The following POT1 variants were observed in gnomAD, a reference collection of about 807,000 sequenced individuals.
The protein encoded by POT1 is protection of telomeres protein 1.
Under a neutral mutation model 78.5 loss-of-function variants are expected in POT1, and 47 were observed. That is an observed-to-expected ratio of 0.60 (90% CI 0.47 to 0.76). The LOEUF (loss-of-function observed/expected upper bound fraction) is 0.76. Ranked by LOEUF, POT1 falls within the 30% of genes least tolerant of loss-of-function variation. The pLI, the probability that POT1 is intolerant of heterozygous loss-of-function variation, is 0.00. For missense variants in POT1, 646 were observed against 749.9 expected, an observed-to-expected ratio of 0.86 and a Z score of 1.62; for synonymous variants, 259 against 260.7, an observed-to-expected ratio of 0.99 and a Z score of 0.06.
At chr7:124,848,667 G>GAA (rs11322299) in intron 11 of POT1, 5,604 of 109,920 alleles carry the variant, frequency 0.051, 323 homozygotes, top group African/African-American at 0.14. Context: ...CATCTCAAAA[G>GAA]AAAAAAAAAA....
intron 16 of POT1, 154 bp downstream of exon 16, chr7:124,829,100 A>G: frequency 1.3e-6 from 1 of 763,814 alleles, no homozygotes; most frequent in Non-Finnish European, 2.4e-6. Context: ...CTTGGCAGAT[A>G]TCTTTAAATT....
chr7:124,872,996 A>G (rs10240673), intron 6 of POT1, among the ~76,000 whole-genome samples: 32,937 of 152,118 alleles, frequency 0.22, 3,991 homozygotes, highest in East Asian at 0.3. Flanking sequence ...AGAAATGTCT[A>G]TTCAGGTCCT....
At chr7:124,848,178 G>A (rs1302167041) in intron 11 of POT1, among the ~76,000 whole-genome samples, 5 of 152,070 alleles carry the variant, frequency 3.3e-5, no homozygotes, top group Non-Finnish European at 7.4e-5. Context: ...ACACGTTTAT[G>A]TATTAGTCAA....
intron 3 of POT1, among the ~76,000 whole-genome samples, chr7:124,898,933 T>G (rs929826782): frequency 6.6e-6 from 1 of 152,212 alleles, no homozygotes; most frequent in Admixed American, 6.5e-5. Context: ...TTAAATTTCC[T>G]TTTCTTATTT....
At chr7:124,856,845 A>G (rs1384950079) in intron 9 of POT1, among the ~76,000 whole-genome samples, 1 of 152,226 alleles carries the variant, frequency 6.6e-6, no homozygotes, top group Non-Finnish European at 1.5e-5. Flanking sequence ...TTTTGAAATA[A>G]ACTAATCAAT....
chr7:124,873,048 G>C (rs566116392), intron 6 of POT1, among the ~76,000 whole-genome samples: 2 of 152,066 alleles, frequency 1.3e-5, no homozygotes, highest in African/African-American at 2.4e-5. Context: ...CCATCTAGTT[G>C]AGTTCCTCAT....
At position 124,853,245 on chromosome 7, in the gene POT1, C is replaced by T. The variant is rs188285882; in HGVS notation, c.703-107G>A. 5.0e-5 allele frequency: 40 copies of T among 793,866 alleles called. No homozygotes were observed. The African/African-American group carries it at 6.3e-4, about 12-fold the overall frequency. 49.2% of individuals were successfully genotyped at this position (793,866 alleles called of 1,614,324 possible). ...GGGGCCAATGAGGGCACTGACCAGTCAGGAAATATACTAAAGTATCTGCAA... is the reference window on the plus strand; with the variant it reads ...GGGGCCAATGAGGGCACTGACCAGTTAGGAAATATACTAAAGTATCTGCAA... On this transcript the variant is annotated intron_variant, in intron 9 of 18. Transcript: ENST00000357628.
intron 6 of POT1, among the ~76,000 whole-genome samples, chr7:124,888,092 C>A (rs1563006320): frequency 6.6e-6 from 1 of 152,194 alleles, no homozygotes; most frequent in South Asian, 2.1e-4. Flanking sequence ...TATTCCAGAA[C>A]ATTCAGTTTC....
At chr7:124,872,865 GTCT>G (rs1462834441) in intron 6 of POT1, among the ~76,000 whole-genome samples, 2 of 152,170 alleles carry the variant, frequency 1.3e-5, no homozygotes, top group Admixed American at 1.3e-4. Flanking sequence ...CTCGATACTA[GTCT>G]TCTTTTTGAT....
chr7:124,884,459 A>G (rs75123660), intron 6 of POT1, among the ~76,000 whole-genome samples: 1 of 152,268 alleles, frequency 6.6e-6, no homozygotes, highest in East Asian at 1.9e-4. Context: ...CAAGACTGCT[A>G]AACAAACTAC....
At chr7:124,919,363 A>C (rs1797092239) in intron 2 of POT1, among the ~76,000 whole-genome samples, 2 of 152,136 alleles carry the variant, frequency 1.3e-5, no homozygotes, top group African/African-American at 4.8e-5. Flanking sequence ...GTTTGCTTTT[A>C]GGACAAAAAT....
intron 15 of POT1, among the ~76,000 whole-genome samples, chr7:124,830,474 T>C (rs1794733575): frequency 6.6e-6 from 1 of 152,136 alleles, no homozygotes; most frequent in South Asian, 2.1e-4. Flanking sequence ...TAATAAAAGA[T>C]GTCAATTTAA....
chr7:124,908,247 A>G (rs1796811378), intron 3 of POT1, among the ~76,000 whole-genome samples: 1 of 152,044 alleles, frequency 6.6e-6, no homozygotes, highest in Admixed American at 6.6e-5. Context: ...GACGGCGTTG[A>G]TAGTGCAGTG....
intron 16 of POT1, among the ~76,000 whole-genome samples, chr7:124,827,655 C>T (rs909897214): frequency 6.6e-6 from 1 of 152,134 alleles, no homozygotes; most frequent in Non-Finnish European, 1.5e-5. Flanking sequence ...TTAGCAGATT[C>T]ATTTTGGAAT....
chr7:124,916,221 A>G (rs542219653), intron 2 of POT1, among the ~76,000 whole-genome samples: 9 of 152,286 alleles, frequency 5.9e-5, no homozygotes, highest in Admixed American at 5.9e-4. Flanking sequence ...TTAGCCTCCC[A>G]GGCTAATATT....
At chr7:124,854,097 T>C (rs1795383927) in intron 9 of POT1, among the ~76,000 whole-genome samples, 1 of 151,914 alleles carries the variant, frequency 6.6e-6, no homozygotes, top group Non-Finnish European at 1.5e-5. Context: ...AAAAACTATA[T>C]AGGTTAAATA....
chr7:124,849,848 T>C (rs1224274410), intron 11 of POT1, among the ~76,000 whole-genome samples: 1 of 152,116 alleles, frequency 6.6e-6, no homozygotes, highest in Non-Finnish European at 1.5e-5. Context: ...CTATTTATTA[T>C]AGTGTGATTT....
intron 9 of POT1, among the ~76,000 whole-genome samples, chr7:124,854,717 TAAAGAA>T (rs953105211): frequency 6.6e-6 from 1 of 151,734 alleles, no homozygotes; most frequent in African/African-American, 2.4e-5. Flanking sequence ...TAAAGAAAGT[TAAAGAA>T]GAAAAGAACA....
At chr7:124,853,717 G>A (rs1795373958) in intron 9 of POT1, among the ~76,000 whole-genome samples, 1 of 95,368 alleles carries the variant, frequency 1.0e-5, no homozygotes, top group Admixed American at 1.0e-4. Flanking sequence ...CACTCCTTGA[G>A]TTCAAACGTA....
Sources: allele counts gnomAD v4.1 joint callset (sites outside exome capture counted in the v4.1 genomes callset), GRCh38; gene constraint gnomAD v4.1.1; transcripts MANE v1.5; gene names NCBI Gene and HGNC (gene_info 2026-07-23, HGNC 2026-07-21).